Variants in CACNA1A observed in about 807,000 individuals in gnomAD.
The protein encoded by CACNA1A is calcium voltage-gated channel subunit alpha1 A.
In CACNA1A, 57 loss-of-function variants were observed where a neutral mutation model predicts 262.4. The ratio of observed to expected loss-of-function variants is 0.22; its 90% CI spans 0.18 to 0.27. CACNA1A has a LOEUF of 0.27. CACNA1A is among the 10% of genes least tolerant of loss of function. CACNA1A has a pLI of 1.00. For synonymous variants in CACNA1A, 1,431 were observed against 1,419.3 expected, an observed-to-expected ratio of 1.01 and a Z score of -0.18; for missense variants, 2,526 against 3,562.8, an observed-to-expected ratio of 0.71 and a Z score of 7.41.
At chr19:13,464,056 T>C (rs2061174383) in intron 1 of CACNA1A, among the ~76,000 whole-genome samples, 1 of 152,122 alleles carries the variant, frequency 6.6e-6, no homozygotes, top group South Asian at 2.1e-4. Flanking sequence ...GGAATGTGAG[T>C]GTTTTATATT....
intron 38 of CACNA1A, among the ~76,000 whole-genome samples, chr19:13,220,667 T>A (rs945245511): frequency 1.3e-5 from 2 of 152,126 alleles, no homozygotes; most frequent in Non-Finnish European, 2.9e-5. Flanking sequence ...AGGTGTGTCT[T>A]AAGCTGCTAT....
At position 13,214,990 on chromosome 19, in the gene CACNA1A, G is replaced by A. The variant is rs2054946791; in HGVS notation, c.5732-382C>T. 1.1e-5 allele frequency: 2 copies of A among 176,714 alleles called. No individual in the cohort carries two copies. Among genetic ancestry groups the A allele is most frequent in the Non-Finnish European group, 2.2e-5 (2 of 89,108 alleles). 10.9% of individuals were successfully genotyped at this position (176,714 alleles called of 1,614,324 possible). A position where few individuals can be genotyped will look rare whatever the true frequency, so the allele number is the denominator to read the frequency against. On this transcript the variant is annotated intron_variant, in intron 38 of 46. Coordinates refer to ENST00000360228, the MANE Select transcript of CACNA1A (RefSeq NM_001127222.2). The surrounding 1 kb of genome is among the most constrained non-coding windows in gnomAD (Gnocchi z 4.1). ...ATAGCAAGAGTACTTGCCTCACCTG[G>A]TTGTTGTGTGTGTGTGTGTGTGTTT...
rs775428832 is a variant in CACNA1A, at chr19:13,207,562, CCCGCTG to C, written c.7266_7271del (p.Ser2423_Gly2424del). On this transcript the variant is annotated inframe_deletion, in exon 47 of 47. Coordinates refer to ENST00000360228, the MANE Select transcript of CACNA1A (RefSeq NM_001127222.2). This position sits in a 1 kb window ranked among gnomAD's most constrained non-coding sequence, Gnocchi z 5.7. ...CCCCGGCCATGGCCTCCTCGCCGCCCCCGCTGCCCGGGCCATCGGCCTCGTCGTAGT... is the reference window on the plus strand; with the variant it reads ...CCCCGGCCATGGCCTCCTCGCCGCCCCCCGGGCCATCGGCCTCGTCGTAGT... 4.0e-4 allele frequency: 586 copies of C among 1,467,454 alleles called. No individual in the cohort carries two copies. The highest frequency in any genetic ancestry group is 2.2e-3 in the Admixed American group (95 of 43,006). The allele number at this position is 1,467,454 out of a possible 1,614,324, so 90.9% of individuals were successfully genotyped here. A position where few individuals can be genotyped will look rare whatever the true frequency, so the allele number is the denominator to read the frequency against.
chr19:13,484,558 A>C (rs947392295), intron 1 of CACNA1A, among the ~76,000 whole-genome samples: 1 of 152,230 alleles, frequency 6.6e-6, no homozygotes, highest in African/African-American at 2.4e-5. Context: ...AGCCCAAGGC[A>C]CACTTCCCTG....
chr19:13,263,096 CAGCT>C (rs927340526), intron 24 of CACNA1A: 13 of 475,720 alleles, frequency 2.7e-5, no homozygotes, highest in African/African-American at 2.5e-4. Context: ...TGGGCCTGAG[CAGCT>C]GTATTGGGTG....
At chr19:13,376,830 C>T (rs200127475) in intron 3 of CACNA1A, among the ~76,000 whole-genome samples, 2 of 80,264 alleles carry the variant, frequency 2.5e-5, no homozygotes, top group African/African-American at 4.0e-5. Flanking sequence ...ATATATAACA[C>T]ATGTTATATG....
chr19:13,416,784 C>A (rs2060229863), intron 3 of CACNA1A, among the ~76,000 whole-genome samples: 1 of 152,074 alleles, frequency 6.6e-6, no homozygotes, highest in African/African-American at 2.4e-5. Flanking sequence ...CACTGCACTC[C>A]AGCCCAGGCA....
At chr19:13,280,440 AC>A (rs2057263205) in intron 22 of CACNA1A, among the ~76,000 whole-genome samples, 1 of 149,792 alleles carries the variant, frequency 6.7e-6, no homozygotes, top group African/African-American at 2.5e-5. Context: ...CATTGCTCCC[AC>A]CTTGGCCTCT....
rs2057959484 is a variant in CACNA1A, at chr19:13,308,844, T to G, written c.1669-316A>C. 1 of 201,276 alleles carries G rather than the reference T, an allele frequency of 5.0e-6. No individual in the cohort carries two copies. The highest frequency in any genetic ancestry group is 5.7e-5 in the Admixed American group (1 of 17,566). The allele number at this position is 201,276 out of a possible 1,614,324, so 12.5% of individuals were successfully genotyped here. A position where few individuals can be genotyped will look rare whatever the true frequency, so the allele number is the denominator to read the frequency against. The stretch of plus-strand genomic sequence containing the variant: ...GGTGTGCCCCACCACATCTGGCTAA[T>G]TTTAAAACATTTTTATAGAGATAGT... On this transcript the variant is annotated intron_variant, in intron 12 of 46. Transcript: ENST00000360228. This position sits in a 1 kb window ranked among gnomAD's most constrained non-coding sequence, Gnocchi z 4.2.
chr19:13,497,743 A>T (rs143925385), intron 1 of CACNA1A, among the ~76,000 whole-genome samples: 7 of 150,802 alleles, frequency 4.6e-5, no homozygotes, highest in South Asian at 4.2e-4. Context: ...ACTCTGACTC[A>T]AAATAAATAA....
intron 44 of CACNA1A, among the ~76,000 whole-genome samples, chr19:13,210,389 G>A (rs1295566026): frequency 6.6e-6 from 1 of 152,206 alleles, no homozygotes; most frequent in East Asian, 1.9e-4. Context: ...TGAAGAAAAG[G>A]GGGTAGGGGT....
chr19:13,326,645 T>C (rs2058368554), intron 10 of CACNA1A, among the ~76,000 whole-genome samples: 2 of 151,552 alleles, frequency 1.3e-5, no homozygotes, highest in African/African-American at 4.8e-5. Flanking sequence ...AAAACTTAGC[T>C]GAGTGTAGCA....
intron 3 of CACNA1A, among the ~76,000 whole-genome samples, chr19:13,421,802 G>A (rs913587908): frequency 6.6e-6 from 1 of 152,074 alleles, no homozygotes; most frequent in African/African-American, 2.4e-5. Context: ...CCCAGTTTAA[G>A]GTATTTTATT....
At chr19:13,360,024 GTT>G (rs200920495) in intron 5 of CACNA1A, among the ~76,000 whole-genome samples, 4 of 140,490 alleles carry the variant, frequency 2.8e-5, no homozygotes, top group African/African-American at 5.2e-5. Context: ...TTTTCCATGA[GTT>G]TTTTTTTTTT....
intron 16 of CACNA1A, 56 bp downstream of exon 16, chr19:13,303,711 C>A (rs1458462324): frequency 1.3e-6 from 2 of 1,563,320 alleles, no homozygotes; most frequent in Admixed American, 1.7e-5. Flanking sequence ...GCCCCTGCAA[C>A]CTCTCCTCTG....
chr19:13,207,543 C>G lies in CACNA1A; in HGVS notation c.7291G>C (p.Ala2431Pro), dbSNP rs1052515747. 2.7e-6 allele frequency: 4 copies of G among 1,454,722 alleles called. No individual in the cohort carries two copies. Among genetic ancestry groups the G allele is most frequent in the Non-Finnish European group, 3.6e-6 (4 of 1,103,390 alleles). The allele number at this position is 1,454,722 out of a possible 1,614,324, so 90.1% of individuals were successfully genotyped here. A position where few individuals can be genotyped will look rare whatever the true frequency, so the allele number is the denominator to read the frequency against. Residue 2431 changes from alanine (A) to proline (P), a missense_variant, in exon 47 of 47, where the codon GCC (alanine) becomes CCC (proline). Coordinates refer to ENST00000360228, the MANE Select transcript of CACNA1A (RefSeq NM_001127222.2). This position sits in a 1 kb window ranked among gnomAD's most constrained non-coding sequence, Gnocchi z 5.7. The part of the protein sequence containing the change: ...PGSGGGEEAM[A>P]GAYDAPPPVR... Reference sequence around the variant, plus strand: ...GGGGGTGGCGCGTCGTAGGCCCCGGCCATGGCCTCCTCGCCGCCCCCGCTG... The same window carrying G: ...GGGGGTGGCGCGTCGTAGGCCCCGGGCATGGCCTCCTCGCCGCCCCCGCTG...
At chr19:13,339,959 C>T (rs539737841) in intron 6 of CACNA1A, among the ~76,000 whole-genome samples, 2 of 152,284 alleles carry the variant, frequency 1.3e-5, no homozygotes, top group South Asian at 2.1e-4. Flanking sequence ...CGGAACATTG[C>T]TGGACAGAAG....
At chr19:13,246,668 C>G (rs774385570) in intron 30 of CACNA1A, among the ~76,000 whole-genome samples, 13 of 152,058 alleles carry the variant, frequency 8.5e-5, no homozygotes, top group Non-Finnish European at 1.9e-4. Context: ...CTCTGTCGCC[C>G]AGGCTGGAGT....
rs746195332 is a variant in CACNA1A at position 13,286,627 on chromosome 19, G to T, written c.3429C>A (p.Ser1143Arg). 1 of 1,527,612 alleles carries T rather than the reference G, an allele frequency of 6.5e-7. No homozygotes were observed. Among genetic ancestry groups the T allele is most frequent in the Admixed American group, 2.1e-5 (1 of 48,614 alleles). The allele number at this position is 1,527,612 out of a possible 1,614,324, so 94.6% of individuals were successfully genotyped here. The change falls in exon 20 of 47, where the codon AGC (serine) becomes AGA (arginine). Residue 1143 changes from serine (S) to arginine (R), a missense_variant. Transcript: ENST00000360228. ...TGCCGCTGGGGTTGGTGACGATAAG[G>T]CTATTCTCGGGGGTCTTGGGGGGGC... is the stretch of plus-strand genomic sequence containing the variant. ...NPGPPKTPENSLIVTNPSGTQ... is the reference protein window; with the variant it reads ...NPGPPKTPENRLIVTNPSGTQ...
Sources: allele counts gnomAD v4.1 joint callset (sites outside exome capture counted in the v4.1 genomes callset), GRCh38; gene constraint gnomAD v4.1.1; non-coding constraint Gnocchi (gnomAD v3.1); transcripts MANE v1.5; gene names NCBI Gene and HGNC (gene_info 2026-07-23, HGNC 2026-07-21).